The following OPRM1 variants were observed in gnomAD, a reference collection of about 807,000 sequenced individuals.
The protein encoded by OPRM1 is mu-type opioid receptor.
OPRM1 carries 27 observed loss-of-function variants against 31.8 expected under a neutral mutation model. The observed-to-expected ratio is 0.85, with a 90% CI of 0.63 to 1.17. OPRM1 has a LOEUF of 1.17. OPRM1 is among the 50% of genes most tolerant of loss of function. OPRM1 has a pLI of 0.00. For synonymous variants in OPRM1, 196 were observed against 189.9 expected, an observed-to-expected ratio of 1.03 and a Z score of -0.26; for missense variants, 536 against 511.1, an observed-to-expected ratio of 1.05 and a Z score of -0.47.
chr6:154,096,844 A>G (rs73790426), intron 3 of OPRM1, among the ~76,000 whole-genome samples: 1 of 152,336 alleles, frequency 6.6e-6, no homozygotes, highest in African/African-American at 2.4e-5. Flanking sequence ...CTCAACATTT[A>G]CTATGAGCTC....
intron 3 of OPRM1, among the ~76,000 whole-genome samples, chr6:154,115,702 G>C (rs1355947754): frequency 1.3e-5 from 2 of 152,226 alleles, no homozygotes; most frequent in African/African-American, 4.8e-5. Context: ...TTTAAAGTTA[G>C]ACAGTAGAGG....
At chr6:154,070,079 T>A (rs1384487582) in intron 1 of OPRM1, among the ~76,000 whole-genome samples, 1 of 152,168 alleles carries the variant, frequency 6.6e-6, no homozygotes, top group Non-Finnish European at 1.5e-5. Context: ...TATCTGCCTT[T>A]GTGTCTGCCT....
chr6:154,058,737 TATC>T (rs1216243619), intron 1 of OPRM1, among the ~76,000 whole-genome samples: 4 of 152,176 alleles, frequency 2.6e-5, no homozygotes, highest in East Asian at 1.9e-4. Flanking sequence ...CCGTCTTCAT[TATC>T]ATCATCATCA....
rs1797349286 is a variant in OPRM1 at position 154,122,269 on chromosome 6, T to C, written c.*3548T>C. ...TATCCACCAGCAGAAAATTGGTTTC[T>C]CAAGGAATCCCTACTGCCCTTGTAG... On this transcript the variant is annotated 3_prime_UTR_variant, in exon 4 of 4. Transcript: ENST00000330432. Among the ~76,000 whole-genome samples the C allele has an allele frequency of 6.6e-6, 1 of 152,218 alleles. No individual in the cohort carries two copies. The highest frequency in any genetic ancestry group is 2.4e-5 in the African/African-American group (1 of 41,458).
intron 3 of OPRM1, among the ~76,000 whole-genome samples, chr6:154,172,641 A>G (rs1799968940): frequency 6.6e-6 from 1 of 152,204 alleles, no homozygotes; most frequent in Non-Finnish European, 1.5e-5. Flanking sequence ...TCACAGTGTA[A>G]ACAAAGCAGC....
intron 1 of OPRM1, among the ~76,000 whole-genome samples, chr6:154,031,895 A>G (rs1020382533): frequency 6.6e-6 from 1 of 152,234 alleles, no homozygotes; most frequent in Non-Finnish European, 1.5e-5. Context: ...AACGGTGAGT[A>G]TCCAGAAATG....
chr6:154,064,401 A>G (rs1784961887), intron 1 of OPRM1, among the ~76,000 whole-genome samples: 1 of 152,108 alleles, frequency 6.6e-6, no homozygotes. Flanking sequence ...CCCTTCTCAG[A>G]TATATGATTT....
chr6:154,140,176 C>T (rs1216697518), intron 3 of OPRM1, among the ~76,000 whole-genome samples: 2 of 152,158 alleles, frequency 1.3e-5, no homozygotes, highest in African/African-American at 4.8e-5. Flanking sequence ...GACAGTCTGT[C>T]ATTATCGCAA....
chr6:154,128,103 T>C lies in OPRM1; in HGVS notation c.*9382T>C, dbSNP rs1329347715. 2.6e-5 allele frequency among the ~76,000 whole-genome samples: 4 copies of C among 152,252 alleles called. No homozygotes were observed. Among genetic ancestry groups the C allele is most frequent in the Admixed American group, 6.5e-5 (1 of 15,290 alleles). On this transcript the variant is annotated 3_prime_UTR_variant, in exon 4 of 4. Transcript: ENST00000330432. ...TTTCCAGGATTTATAAATTCAGTAT[T>C]ACAAATAGTAATCTGGCAAGTGTTC... is the stretch of plus-strand genomic sequence containing the variant.
chr6:154,244,913 T>C (rs1583893875), intron 3 of OPRM1, among the ~76,000 whole-genome samples: 4 of 152,314 alleles, frequency 2.6e-5, no homozygotes, highest in South Asian at 4.1e-4. Context: ...CCCTGACCAC[T>C]ATTAAAAGGT....
chr6:154,118,491 T>A (rs1244655592), intron 3 of OPRM1, among the ~76,000 whole-genome samples, 192 bp from the exon 4 acceptor site: 1 of 152,228 alleles, frequency 6.6e-6, no homozygotes, highest in African/African-American at 2.4e-5. Context: ...ATATTCATAA[T>A]GAGCCAGAAG....
At chr6:154,017,673 G>A (rs1053379221) in intron 1 of OPRM1, among the ~76,000 whole-genome samples, 1 of 152,132 alleles carries the variant, frequency 6.6e-6, no homozygotes, top group Non-Finnish European at 1.5e-5. Flanking sequence ...GTCTGAAGGA[G>A]CCATAAAGCC....
chr6:154,146,675 C>A (rs540536623), intron 3 of OPRM1, among the ~76,000 whole-genome samples: 1 of 152,134 alleles, frequency 6.6e-6, no homozygotes. Context: ...GACTGACAAA[C>A]TATGGTGCAA....
At chr6:154,079,555 C>T (rs1023879611) in intron 1 of OPRM1, among the ~76,000 whole-genome samples, 5 of 152,060 alleles carry the variant, frequency 3.3e-5, no homozygotes, top group Admixed American at 1.3e-4. Context: ...CTGGAGTGCT[C>T]TGTAAGAAGA....
At chr6:154,086,992 AT>A (rs1790742614) in intron 1 of OPRM1, 1 of 983,750 alleles carries the variant, frequency 1.0e-6, no homozygotes. Flanking sequence ...ACTTTGGAGT[AT>A]TTGTCTACAT....
intron 3 of OPRM1, among the ~76,000 whole-genome samples, chr6:154,239,746 C>T (rs1780427323): frequency 6.6e-6 from 1 of 152,210 alleles, no homozygotes; most frequent in South Asian, 2.1e-4. Context: ...CTCTGTCACC[C>T]AGGCTGGAGT....
intron 1 of OPRM1, among the ~76,000 whole-genome samples, chr6:154,014,351 G>A (rs1777889937): frequency 6.6e-6 from 1 of 152,072 alleles, no homozygotes; most frequent in African/African-American, 2.4e-5. Flanking sequence ...GATTATGAGG[G>A]ATGGAAAAAC....
chr6:154,160,026 A>G (rs781654312), intron 3 of OPRM1: 15 of 1,611,482 alleles, frequency 9.3e-6, no homozygotes, highest in Non-Finnish European at 1.1e-5. Context: ...TCATGGCCAG[A>G]TCATGTTCTT....
rs1281845159 is a variant in OPRM1, at chr6:154,125,619, G to T, written c.*6898G>T. On this transcript the variant is annotated 3_prime_UTR_variant, in exon 4 of 4. Coordinates refer to ENST00000330432, the MANE Select transcript of OPRM1 (RefSeq NM_000914.5). Reference sequence around the variant, plus strand: ...CAAAAAAAACCTTCCAGAGAAAGGTGGTTTCCAATATTACCTACAACTTCC... The same window carrying T: ...CAAAAAAAACCTTCCAGAGAAAGGTTGTTTCCAATATTACCTACAACTTCC... 6.6e-6 allele frequency among the ~76,000 whole-genome samples: 1 copy of T among 152,246 alleles called. No homozygotes were observed. Among genetic ancestry groups the T allele is most frequent in the African/African-American group, 2.4e-5 (1 of 41,552 alleles).
Sources: gnomAD v4.1 joint callset for allele counts (sites outside exome capture counted in the v4.1 genomes callset) on GRCh38, gnomAD v4.1.1 for gene constraint, MANE v1.5 for transcripts, NCBI Gene and HGNC (gene_info 2026-07-23, HGNC 2026-07-21) for gene names.